KIF16B: variants seen among roughly 807,000 people sequenced by gnomAD.
The protein encoded by KIF16B is kinesin family member 16B.
A neutral mutation model predicts 156.3 loss-of-function variants in KIF16B; 98 were observed. The ratio of observed to expected loss-of-function variants is 0.63; its 90% CI spans 0.53 to 0.74. KIF16B has a LOEUF of 0.74. Among genes scored for constraint, KIF16B ranks in the 30% least tolerant of loss-of-function variants. The pLI, the probability that KIF16B is intolerant of heterozygous loss-of-function variation, is 0.00. For missense variants in KIF16B, 1,421 were observed against 1,606.5 expected, an observed-to-expected ratio of 0.88 and a Z score of 1.97; for synonymous variants, 564 against 583.7, an observed-to-expected ratio of 0.97 and a Z score of 0.49.
intron 12 of KIF16B, among the ~76,000 whole-genome samples, chr20:16,444,551 G>A (rs557353764): frequency 2.4e-4 from 37 of 152,296 alleles, no homozygotes; most frequent in Middle Eastern, 3.4e-3. Flanking sequence ...CACAGGTGGC[G>A]CGGGCCAAGA....
intron 24 of KIF16B, among the ~76,000 whole-genome samples, chr20:16,314,680 A>C (rs1418781975): frequency 2.6e-5 from 4 of 152,216 alleles, no homozygotes; most frequent in African/African-American, 9.7e-5. Context: ...GGATTCCGTG[A>C]AGATTTAGTG....
Position 16,379,282 on chromosome 20 carries a change from C to T in KIF16B, c.2720G>A (p.Arg907His). 4 of 1,613,648 alleles carry T rather than the reference C, an allele frequency of 2.5e-6. No individual in the cohort carries two copies. The highest frequency in any genetic ancestry group is 1.1e-5 in the South Asian group (1 of 91,038). ...ATTCTGCAGGAGGTACTGTAGCTGG[C>T]GTTCTTTATATTGCAGCCTGTACTC... ...PVEYRLQYKE[R>H]QLQYLLQNHL... Residue 907 changes from arginine (R) to histidine (H), a missense_variant, in exon 19 of 26, where the codon CGC becomes CAC. Physicochemically the swap from Arg to His is conservative, Grantham distance 29. Coordinates refer to ENST00000354981, the MANE Select transcript of KIF16B (RefSeq NM_024704.5).
chr20:16,369,413 T>A (rs2064761550), intron 22 of KIF16B: 1 of 362,902 alleles, frequency 2.8e-6, no homozygotes, highest in Non-Finnish European at 3.8e-6. Flanking sequence ...TATTGATACA[T>A]GATTAAAGAA....
chr20:16,495,480 C>A (rs2068423479), intron 11 of KIF16B, among the ~76,000 whole-genome samples: 1 of 152,174 alleles, frequency 6.6e-6, no homozygotes, highest in African/African-American at 2.4e-5. Flanking sequence ...CAAAATATAT[C>A]TCATTCACCT....
chr20:16,507,327 T>C (rs1287712970), intron 7 of KIF16B, among the ~76,000 whole-genome samples: 1 of 152,146 alleles, frequency 6.6e-6, no homozygotes, highest in East Asian at 1.9e-4. Context: ...TGTGTCCAAC[T>C]GTTAACCCAG....
chr20:16,520,687 C>A (rs1455347249), intron 3 of KIF16B, among the ~76,000 whole-genome samples: 1 of 152,210 alleles, frequency 6.6e-6, no homozygotes, highest in African/African-American at 2.4e-5. Flanking sequence ...TGCTAAGGGA[C>A]AGGCTGCCTC....
At chr20:16,559,265 G>A (rs914724649) in intron 1 of KIF16B, among the ~76,000 whole-genome samples, 1 of 151,960 alleles carries the variant, frequency 6.6e-6, no homozygotes, top group Admixed American at 6.6e-5. Context: ...ATCCAATCAA[G>A]GTGTTAACAG....
intron 12 of KIF16B, among the ~76,000 whole-genome samples, chr20:16,470,496 T>C (rs533411716): frequency 1.3e-5 from 2 of 152,262 alleles, no homozygotes; most frequent in Non-Finnish European, 2.9e-5. Context: ...TGTTTTGTTT[T>C]GTTTTGAGAC....
At chr20:16,382,303 A>G (rs1335573351) in intron 17 of KIF16B, among the ~76,000 whole-genome samples, 3 of 152,248 alleles carry the variant, frequency 2.0e-5, no homozygotes, top group Non-Finnish European at 4.4e-5. Context: ...CAATAATTTC[A>G]TGAAACAAAC....
Position 16,494,285 on chromosome 20 carries a change from C to A in KIF16B, c.1302+6G>T. 6.4e-7 allele frequency: 1 copy of A among 1,571,598 alleles called. No individual in the cohort carries two copies. The highest frequency in any genetic ancestry group is 1.1e-5 in the South Asian group (1 of 87,166). ...GTAAGACTAAACACATTTTTCTAGT[C>A]CTTACTTTCAAAATATTTTGGGTTT... On this transcript the variant is annotated splice_donor_region_variant and intron_variant, in intron 12 of 25. Coordinates refer to ENST00000354981, the MANE Select transcript of KIF16B (RefSeq NM_024704.5).
At chr20:16,493,558 T>C (rs2068362301) in intron 12 of KIF16B, among the ~76,000 whole-genome samples, 1 of 152,202 alleles carries the variant, frequency 6.6e-6, no homozygotes, top group African/African-American at 2.4e-5. Context: ...AAACCTCACA[T>C]TGAATAGCCT....
intron 15 of KIF16B, among the ~76,000 whole-genome samples, chr20:16,414,343 C>CA (rs1011508918): frequency 1.3e-5 from 2 of 152,050 alleles, no homozygotes; most frequent in Admixed American, 6.6e-5. Flanking sequence ...GCAACAAAGG[C>CA]AGCAGGCATC....
intron 17 of KIF16B, among the ~76,000 whole-genome samples, chr20:16,390,346 C>A (rs2065335052): frequency 6.6e-6 from 1 of 152,160 alleles, no homozygotes; most frequent in African/African-American, 2.4e-5. Context: ...TTTCTCATAG[C>A]AATGGTATAA....
At chr20:16,493,271 A>C (rs2068352021) in intron 12 of KIF16B, among the ~76,000 whole-genome samples, 1 of 152,218 alleles carries the variant, frequency 6.6e-6, no homozygotes, top group African/African-American at 2.4e-5. Flanking sequence ...ACACCTGGTC[A>C]AGCCAAGTTG....
At chr20:16,478,315 T>A (rs6043997) in intron 12 of KIF16B, among the ~76,000 whole-genome samples, 242 of 152,186 alleles carry the variant, frequency 1.6e-3, no homozygotes, top group African/African-American at 5.3e-3. Flanking sequence ...AAACAGTGAA[T>A]GTCATGAGGA....
At chr20:16,552,592 C>A (rs1040328479) in intron 1 of KIF16B, among the ~76,000 whole-genome samples, 14 of 152,268 alleles carry the variant, frequency 9.2e-5, no homozygotes, top group African/African-American at 3.4e-4. Context: ...GCATCCAGTA[C>A]AACAAAGGCA....
chr20:16,351,075 G>T (rs2064329926), intron 23 of KIF16B, among the ~76,000 whole-genome samples: 1 of 152,040 alleles, frequency 6.6e-6, no homozygotes. Flanking sequence ...ACAGGGCAGG[G>T]GGCACTACTG....
At chr20:16,572,577 A>C (rs1455065363) in intron 1 of KIF16B, among the ~76,000 whole-genome samples, 1 of 152,260 alleles carries the variant, frequency 6.6e-6, no homozygotes, top group East Asian at 1.9e-4. Context: ...GAAGAGAAGG[A>C]TTCTGAAAAA....
chr20:16,446,400 A>G (rs1374506187), intron 12 of KIF16B, among the ~76,000 whole-genome samples: 1 of 152,136 alleles, frequency 6.6e-6, no homozygotes, highest in Non-Finnish European at 1.5e-5. Flanking sequence ...GCTTCAGTAG[A>G]CATTTTTTAA....
Sources: gnomAD v4.1 joint callset for allele counts (sites outside exome capture counted in the v4.1 genomes callset) on GRCh38, gnomAD v4.1.1 for gene constraint, MANE v1.5 for transcripts, NCBI Gene and HGNC (gene_info 2026-07-23, HGNC 2026-07-21) for gene names.